BAZ2B: variants seen among roughly 807,000 people sequenced by gnomAD.
The protein encoded by BAZ2B is bromodomain adjacent to zinc finger domain 2B.
Under a neutral mutation model 246.0 loss-of-function variants are expected in BAZ2B, and 91 were observed. The observed-to-expected ratio is 0.37, with a 90% CI of 0.31 to 0.44. The LOEUF (loss-of-function observed/expected upper bound fraction) is 0.44, where lower values mean the gene tolerates loss of function less well. Among genes scored for constraint, BAZ2B ranks in the 20% least tolerant of loss-of-function variants. The pLI is 1.00. For missense variants in BAZ2B, 2,332 were observed against 2,533.7 expected, an observed-to-expected ratio of 0.92 and a Z score of 1.71; for synonymous variants, 855 against 860.0, an observed-to-expected ratio of 0.99 and a Z score of 0.10.
At chr2:159,571,578 T>C (rs1684022624) in intron 1 of BAZ2B, among the ~76,000 whole-genome samples, 1 of 152,126 alleles carries the variant, frequency 6.6e-6, no homozygotes, top group South Asian at 2.1e-4. Context: ...CTCCCTGACA[T>C]CCAGAGAGGG....
At position 159,324,821 on chromosome 2, in the gene BAZ2B, T is replaced by C; in HGVS notation, c.6343A>G (p.Ser2115Gly). ...AAATGATTTACTTACTGTCCACTAC[T>C]TAGTTTCTCTCTAATTGTGGAAAAA... ...MDFSTIREKL[S>G]SGQYPNLETF... The change falls in exon 36 of 37, where the codon AGT (serine) becomes GGT (glycine). Residue 2115 changes from serine to glycine, a missense_variant. Transcript: ENST00000392783. 1 of 1,502,932 alleles carries C rather than the reference T, an allele frequency of 6.7e-7. No individual in the cohort carries two copies. The allele number at this position is 1,502,932 out of a possible 1,614,324, so 93.1% of individuals were successfully genotyped here.
In BAZ2B at chr2:159,429,216, T is replaced by C; in HGVS notation, c.2239A>G (p.Ile747Val). Residue 747 changes from isoleucine (I) to valine (V), a missense_variant, in exon 11 of 37, where the codon ATT becomes GTT. Ile to Val is a conservative substitution (Grantham distance 29, BLOSUM62 3). Around this residue, in one of 9 missense-constraint regions of BAZ2B, gnomAD observed 651 missense variants for 650.9 expected, o/e 1.00. Transcript: ENST00000392783. ...RRVTDERELR[I>V]PLEYGWQRET... is the part of the protein sequence containing the mutation. Reference sequence around the variant, plus strand: ...TTTGCATACCCATATTCCAATGGAATACGCAGTTCACGTTCATCTGTTACT... The same window carrying C: ...TTTGCATACCCATATTCCAATGGAACACGCAGTTCACGTTCATCTGTTACT... 1.3e-6 allele frequency: 2 copies of C among 1,560,844 alleles called. No homozygotes were observed. Among genetic ancestry groups the C allele is most frequent in the Non-Finnish European group, 1.7e-6 (2 of 1,149,764 alleles).
chr2:159,544,945 T>C (rs2087126993), intron 2 of BAZ2B, among the ~76,000 whole-genome samples: 1 of 152,196 alleles, frequency 6.6e-6, no homozygotes, highest in Non-Finnish European at 1.5e-5. Flanking sequence ...TCAATTTAAG[T>C]AGGAAATAAG....
intron 1 of BAZ2B, among the ~76,000 whole-genome samples, chr2:159,584,342 C>T (rs13033593): frequency 0.062 from 9,495 of 152,094 alleles, 389 homozygotes; most frequent in Middle Eastern, 0.13. Context: ...AGATGGTCTC[C>T]ATCTCTTGAC....
chr2:159,324,778 T>A (rs746812816), intron 36 of BAZ2B, 33 bp downstream of exon 36: 17 of 1,411,070 alleles, frequency 1.2e-5, no homozygotes, highest in Non-Finnish European at 1.4e-5. Flanking sequence ...AGGTATTCAA[T>A]AAATATTTAG....
At chr2:159,543,494 A>T (rs1329872915) in intron 2 of BAZ2B, among the ~76,000 whole-genome samples, 1 of 151,736 alleles carries the variant, frequency 6.6e-6, no homozygotes, top group Non-Finnish European at 1.5e-5. Context: ...TATATAAACA[A>T]ATAGCCCCAC....
chr2:159,642,849 T>A, the BAZ2B span, among the ~76,000 whole-genome samples: 1 of 152,342 alleles, frequency 6.6e-6, no homozygotes, highest in South Asian at 2.1e-4. Flanking sequence ...TAAGTATGGA[T>A]CACGTTCCAT....
At chr2:159,603,162 A>C (rs1324237636) in intron 1 of BAZ2B, among the ~76,000 whole-genome samples, 1 of 152,154 alleles carries the variant, frequency 6.6e-6, no homozygotes, top group Non-Finnish European at 1.5e-5. Context: ...AAAACAAAAA[A>C]CTTAAATGCC....
intron 3 of BAZ2B, among the ~76,000 whole-genome samples, chr2:159,457,260 G>A (rs1209888762): frequency 1.3e-5 from 2 of 152,256 alleles, no homozygotes; most frequent in Middle Eastern, 3.4e-3. Context: ...TTTAAACAGT[G>A]CAAGACTATT....
Position 159,448,422 on chromosome 2 carries a change from C to CA in BAZ2B, c.335-14dup. ...CACCATTCTGCACCTCAAAACCAAA[C>CA]AAACCAACCAAACAAAAATATATAA... On this transcript the variant is annotated splice_polypyrimidine_tract_variant and intron_variant, in intron 4 of 36. Transcript: ENST00000392783. 1 of 1,524,664 alleles carries CA rather than the reference C, an allele frequency of 6.6e-7. No individual in the cohort carries two copies. The highest frequency in any genetic ancestry group is 1.3e-5 in the South Asian group (1 of 77,684). 94.4% of individuals were successfully genotyped at this position (1,524,664 alleles called of 1,614,324 possible). A position where few individuals can be genotyped will look rare whatever the true frequency, so the allele number is the denominator to read the frequency against.
chr2:159,449,373 G>A (rs2074718905), intron 4 of BAZ2B, among the ~76,000 whole-genome samples: 1 of 151,856 alleles, frequency 6.6e-6, no homozygotes, highest in Non-Finnish European at 1.5e-5. Flanking sequence ...ATTTTTCATT[G>A]ACTGTGACAA....
Position 159,337,057 on chromosome 2 carries a change from G to T in BAZ2B, c.5681C>A (p.Pro1894Gln), listed in dbSNP as rs1225436266. ...TGCCCTTCTCCATACCCTGAGCCCT[G>T]GAGCAATATCCTCTTCAATTCTGCA... ...IERRIEEDIA[P>Q]GLRVWRRALS... Residue 1894 changes from proline to glutamine, a missense_variant, in exon 33 of 37, where the codon CCA becomes CAA. Pro to Gln is a moderately conservative substitution (Grantham distance 76, BLOSUM62 -1). Around this residue, in one of 9 missense-constraint regions of BAZ2B, gnomAD observed 53 missense variants for 62.0 expected, o/e 0.86. Coordinates refer to ENST00000392783, the MANE Select transcript of BAZ2B (RefSeq NM_013450.4). The T allele has an allele frequency of 1.2e-6, 2 of 1,613,160 alleles. No homozygotes were observed. Among genetic ancestry groups the T allele is most frequent in the African/African-American group, 1.3e-5 (1 of 74,848 alleles).
Position 159,383,657 on chromosome 2 carries a change from T to G in BAZ2B, c.3710A>C (p.Tyr1237Ser). ...TTTATCTCTCCTCAAGTTTGACATA[T>G]AATCAATGTTCTTGTCGATTTCACT... Reference protein sequence around the residue: ...VVSEIDKNIDYMSNLRRDKWV... With the variant: ...VVSEIDKNIDSMSNLRRDKWV... Residue 1237 changes from tyrosine (Y) to serine (S), a missense_variant, in exon 24 of 37, where the codon TAT (tyrosine) becomes TCT (serine). By Grantham distance (144) the Tyr-to-Ser change is moderately radical (BLOSUM62 -2). Around this residue, in one of 9 missense-constraint regions of BAZ2B, gnomAD observed 328 missense variants for 410.4 expected, o/e 0.80. Transcript: ENST00000392783. 1 of 1,611,634 alleles carries G rather than the reference T, an allele frequency of 6.2e-7. No individual in the cohort carries two copies. The highest frequency in any genetic ancestry group is 1.1e-5 in the South Asian group (1 of 90,910).
intron 3 of BAZ2B, chr2:159,462,048 T>C (rs2076467033): frequency 5.0e-6 from 1 of 201,748 alleles, no homozygotes; most frequent in Non-Finnish European, 1.0e-5. Flanking sequence ...TAGAAAGTAA[T>C]GACCATATAC....
the BAZ2B span, among the ~76,000 whole-genome samples, chr2:159,704,795 T>C: frequency 6.6e-6 from 1 of 152,006 alleles, no homozygotes; most frequent in African/African-American, 2.4e-5. Flanking sequence ...TTTTGTTTTT[T>C]GAGTTCTCGC....
the BAZ2B span, among the ~76,000 whole-genome samples, chr2:159,686,935 G>C: frequency 6.6e-6 from 1 of 151,320 alleles, no homozygotes; most frequent in Non-Finnish European, 1.5e-5. Flanking sequence ...CCAGCTCCTC[G>C]GGAGGCTGAG....
At chr2:159,676,650 C>CACACAG in the BAZ2B span, among the ~76,000 whole-genome samples, 2 of 124,628 alleles carry the variant, frequency 1.6e-5, no homozygotes, top group Non-Finnish European at 3.4e-5. Flanking sequence ...TCTAAATGCA[C>CACACAG]ACACACACAC....
At chr2:159,386,327 A>G (rs747742776) in intron 22 of BAZ2B, 26 bp downstream of exon 22, 18 of 1,583,300 alleles carry the variant, frequency 1.1e-5, no homozygotes, top group Non-Finnish European at 1.5e-5. Context: ...CAAATTTAAA[A>G]CATTTTATAT....
the BAZ2B span, among the ~76,000 whole-genome samples, chr2:159,703,742 G>A: frequency 2.6e-5 from 4 of 152,088 alleles, no homozygotes; most frequent in Admixed American, 2.6e-4. Context: ...AAGTCAGCCA[G>A]TAATCCCAGC....
Sources: gnomAD v4.1 joint callset for allele counts (sites outside exome capture counted in the v4.1 genomes callset) on GRCh38, gnomAD v4.1.1 for gene constraint, gnomAD v4.1.1 regional missense constraint, MANE v1.5 for transcripts, NCBI Gene and HGNC (gene_info 2026-07-23, HGNC 2026-07-21) for gene names.